The following NCKAP5 variants were observed in gnomAD, a reference collection of about 807,000 sequenced individuals.
The protein encoded by NCKAP5 is nck-associated protein 5.
NCKAP5 carries 92 observed loss-of-function variants against 167.0 expected under a neutral mutation model. The ratio of observed to expected loss-of-function variants is 0.55; its 90% CI spans 0.47 to 0.66. NCKAP5 has a LOEUF of 0.66. Among genes scored for constraint, NCKAP5 ranks in the 30% least tolerant of loss-of-function variants. NCKAP5 has a pLI of 0.00. For missense variants in NCKAP5, 2,378 were observed against 2,315.0 expected (o/e 1.03, Z -0.56); for synonymous variants, 891 against 877.4 (o/e 1.02, Z -0.27).
chr2:133,552,595 T>C, intron 2 of NCKAP5, among the ~76,000 whole-genome samples: 1 of 84,112 alleles, frequency 1.2e-5, no homozygotes, highest in African/African-American at 4.6e-5. Flanking sequence ...CGGACTGTGG[T>C]GGGGTGGGGG....
intron 3 of NCKAP5, among the ~76,000 whole-genome samples, chr2:133,381,912 G>A (rs956860877): frequency 1.3e-5 from 2 of 152,224 alleles, no homozygotes; most frequent in Non-Finnish European, 2.9e-5. Context: ...CTGCGCTGAA[G>A]TTTGGGTAAG....
the NCKAP5 span, among the ~76,000 whole-genome samples, chr2:133,615,951 C>A: frequency 3.3e-5 from 5 of 150,846 alleles, no homozygotes; most frequent in Non-Finnish European, 7.4e-5. Context: ...AACAAACTAT[C>A]TCTCAGACCA....
At position 132,805,240 on chromosome 2, in the gene NCKAP5, A is replaced by C. The variant is rs1685340817; in HGVS notation, c.808-8511T>G. 2.0e-5 allele frequency among the ~76,000 whole-genome samples: 3 copies of C among 152,270 alleles called. No homozygotes were observed. In the South Asian group the frequency reaches 6.2e-4, roughly 32 times the overall value. ...TAAGAACTATCATACCTGTCTTGCA[A>C]GTGAAAAAACTGACATACAGAGCTA... is the stretch of plus-strand genomic sequence containing the variant. On this transcript the variant is annotated intron_variant, in intron 11 of 19. Transcript: ENST00000409261.
At chr2:132,933,979 G>A (rs888271729) in intron 8 of NCKAP5, among the ~76,000 whole-genome samples, 12 of 152,196 alleles carry the variant, frequency 7.9e-5, no homozygotes, top group African/African-American at 2.9e-4. Context: ...TAGCATGAAA[G>A]GGGGCTTTTT....
At chr2:133,647,380 G>GAAGGAAGGAAGA in the NCKAP5 span, among the ~76,000 whole-genome samples, 18 of 85,600 alleles carry the variant, frequency 2.1e-4, no homozygotes, top group East Asian at 3.5e-3. Context: ...AGAAAGAAAG[G>GAAGGAAGGAAGA]AAGGAAGGAA....
intron 3 of NCKAP5, among the ~76,000 whole-genome samples, chr2:133,360,537 C>T (rs758770293): frequency 2.0e-5 from 3 of 152,004 alleles, no homozygotes; most frequent in South Asian, 2.1e-4. Context: ...TCAGTGTTTG[C>T]GTGACAAAGG....
chr2:132,878,758 G>T, intron 9 of NCKAP5, 90 bp downstream of exon 9: 1 of 931,096 alleles, frequency 1.1e-6, no homozygotes, highest in Non-Finnish European at 1.8e-6. Flanking sequence ...ATGTTTTGTG[G>T]ATACTGGTAG....
intron 16 of NCKAP5, among the ~76,000 whole-genome samples, chr2:132,756,492 A>T (rs1680566842): frequency 6.6e-6 from 1 of 152,098 alleles, no homozygotes; most frequent in Non-Finnish European, 1.5e-5. Flanking sequence ...TATGCTTTTG[A>T]TTCCTCCCTG....
chr2:132,715,551 C>A (rs999966555), intron 19 of NCKAP5, among the ~76,000 whole-genome samples: 5 of 152,162 alleles, frequency 3.3e-5, no homozygotes, highest in Non-Finnish European at 7.3e-5. Flanking sequence ...GGGTAACTTT[C>A]AAGTCTGTAA....
At chr2:133,185,934 A>G (rs547054894) in intron 5 of NCKAP5, among the ~76,000 whole-genome samples, 1 of 152,190 alleles carries the variant, frequency 6.6e-6, no homozygotes, top group Non-Finnish European at 1.5e-5. Context: ...TTCTTTTCCT[A>G]TCTGGATGCC....
chr2:133,498,233 C>T (rs2151377847), intron 3 of NCKAP5, among the ~76,000 whole-genome samples: 1 of 152,256 alleles, frequency 6.6e-6, no homozygotes, highest in South Asian at 2.1e-4. Flanking sequence ...AGAGCTTCAT[C>T]ATTCAGAAGT....
intron 3 of NCKAP5, among the ~76,000 whole-genome samples, chr2:133,385,681 C>CT (rs1271294865): frequency 6.6e-6 from 1 of 152,026 alleles, no homozygotes; most frequent in African/African-American, 2.4e-5. Context: ...TGGTCCTGGA[C>CT]TTTTTTTGGT....
At chr2:133,489,286 A>G (rs1681228356) in intron 3 of NCKAP5, among the ~76,000 whole-genome samples, 1 of 152,220 alleles carries the variant, frequency 6.6e-6, no homozygotes, top group South Asian at 2.1e-4. Flanking sequence ...CTGCAGACAC[A>G]GGGGTTAGAT....
chr2:133,577,697 G>A, the NCKAP5 span, among the ~76,000 whole-genome samples: 6 of 152,150 alleles, frequency 3.9e-5, no homozygotes, highest in African/African-American at 1.4e-4. Flanking sequence ...TCCCCAGTGT[G>A]TGATGTTCCC....
At chr2:133,415,429 A>G (rs563837999) in intron 3 of NCKAP5, among the ~76,000 whole-genome samples, 2 of 152,384 alleles carry the variant, frequency 1.3e-5, no homozygotes, top group East Asian at 3.9e-4. Context: ...GGACTCTGCT[A>G]TAAGGCATCT....
intron 19 of NCKAP5, among the ~76,000 whole-genome samples, chr2:132,677,058 C>T (rs1304034399): frequency 6.6e-6 from 1 of 152,130 alleles, no homozygotes. Context: ...TAATGATAGA[C>T]CCGGTGAAGA....
chr2:132,686,962 T>C (rs1686025988), intron 19 of NCKAP5, among the ~76,000 whole-genome samples: 1 of 152,152 alleles, frequency 6.6e-6, no homozygotes, highest in Admixed American at 6.5e-5. Context: ...AGGTTAGAGA[T>C]TAAAACATGC....
At chr2:132,707,266 G>A (rs955357519) in intron 19 of NCKAP5, among the ~76,000 whole-genome samples, 5 of 152,350 alleles carry the variant, frequency 3.3e-5, no homozygotes, top group South Asian at 2.1e-4. Flanking sequence ...CTGTCACAGC[G>A]GAAAGTAACA....
At chr2:133,658,353 G>A in the NCKAP5 span, among the ~76,000 whole-genome samples, 3 of 152,104 alleles carry the variant, frequency 2.0e-5, no homozygotes, top group African/African-American at 4.8e-5. Flanking sequence ...TGTAAAATAC[G>A]GTTCCTGACT....
Sources: gnomAD v4.1 joint callset for allele counts (sites outside exome capture counted in the v4.1 genomes callset) on GRCh38, gnomAD v4.1.1 for gene constraint, MANE v1.5 for transcripts, NCBI Gene and HGNC (gene_info 2026-07-23, HGNC 2026-07-21) for gene names.